Variants in ANKRD13B observed in about 807,000 individuals in gnomAD.
The protein encoded by ANKRD13B is ankyrin repeat domain 13B.
A neutral mutation model predicts 74.4 loss-of-function variants in ANKRD13B; 33 were observed. That is an observed-to-expected ratio of 0.44 (90% CI 0.34 to 0.59). The LOEUF (loss-of-function observed/expected upper bound fraction) is 0.59. Among genes scored for constraint, ANKRD13B ranks in the 20% least tolerant of loss-of-function variants. The pLI, the probability that ANKRD13B is intolerant of heterozygous loss-of-function variation, is 0.02. For missense variants in ANKRD13B, 676 were observed against 877.9 expected, an observed-to-expected ratio of 0.77 and a Z score of 2.91; for synonymous variants, 341 against 362.9, an observed-to-expected ratio of 0.94 and a Z score of 0.68.
Position 29,613,779 on chromosome 17 carries a change from G to C in ANKRD13B, c.*197G>C. 1.2e-6 allele frequency: 1 copy of C among 832,448 alleles called. No individual in the cohort carries two copies. The highest frequency in any genetic ancestry group is 1.7e-6 in the Non-Finnish European group (1 of 581,038). 51.6% of individuals were successfully genotyped at this position (832,448 alleles called of 1,614,324 possible). ...GGTACCTTCCCAGGCCAGGGCCCTG[G>C]AGGCAACTGGCACGGCCTGGTCCCC... On this transcript the variant is annotated 3_prime_UTR_variant, in exon 15 of 15. Transcript: ENST00000394859.
At chr17:29,602,394 CAAAAAA>C (rs61476683) in intron 1 of ANKRD13B, among the ~76,000 whole-genome samples, 1 of 117,488 alleles carries the variant, frequency 8.5e-6, no homozygotes, top group African/African-American at 3.1e-5. Context: ...GATTCCATCT[CAAAAAA>C]AAAAAAAAAA....
At position 29,609,533 on chromosome 17, in the gene ANKRD13B, G is replaced by A. The variant is rs146587445; in HGVS notation, c.822+112G>A. The stretch of plus-strand genomic sequence containing the variant: ...CCTGGAGGTACAGAAGCAATGCAGC[G>A]TGGTCAAGCACTTATATTTGGGTTC... On this transcript the variant is annotated intron_variant, in intron 7 of 14. Transcript: ENST00000394859. This position sits in a 1 kb window ranked among gnomAD's most constrained non-coding sequence, Gnocchi z 4.0. 179 of 1,297,688 alleles carry A rather than the reference G, an allele frequency of 1.4e-4. 1 individual carries two copies. The East Asian group carries it at 3.6e-3, about 26-fold the overall frequency. 80.4% of individuals were successfully genotyped at this position (1,297,688 alleles called of 1,614,324 possible).
chr17:29,602,335 C>A (rs912677509), intron 1 of ANKRD13B, among the ~76,000 whole-genome samples: 1 of 144,330 alleles, frequency 6.9e-6, no homozygotes, highest in East Asian at 2.0e-4. Context: ...GCGGAGCTTA[C>A]AGTGAGCTGA....
At position 29,609,240 on chromosome 17, in the gene ANKRD13B, C is replaced by T; in HGVS notation, c.720C>T (p.Thr240=). 6.2e-7 allele frequency: 1 copy of T among 1,613,168 alleles called. No homozygotes were observed. Among genetic ancestry groups the T allele is most frequent in the African/African-American group, 1.3e-5 (1 of 75,052 alleles). The stretch of plus-strand genomic sequence containing the variant: ...GCCGGCTTACCGCGCCCGTCGTCAC[C>T]ACTCAGCTTGACACCAAGAATATCT... The part of the protein sequence containing the change: ...VLSRLTAPVV[T]TQLDTKNISF... The change falls in exon 6 of 15, where the codon ACC becomes ACT. Residue 240 remains threonine (T), a synonymous_variant. Coordinates refer to ENST00000394859, the MANE Select transcript of ANKRD13B (RefSeq NM_152345.5). This position sits in a 1 kb window ranked among gnomAD's most constrained non-coding sequence, Gnocchi z 4.0.
chr17:29,612,925 C>A lies in ANKRD13B; in HGVS notation c.1614C>A (p.Gly538=). ...IWEALTNSKP[G]THPMSYEGRR... is the part of the protein sequence containing the mutation. ...AGGCGCTAACCAACAGCAAGCCAGG[C>A]ACCCACCCCATGTCCTACGAGGGTC... Residue 538 remains glycine, a synonymous_variant, in exon 14 of 15, where the codon GGC becomes GGA. Coordinates refer to ENST00000394859, the MANE Select transcript of ANKRD13B (RefSeq NM_152345.5). The surrounding 1 kb of genome is among the most constrained non-coding windows in gnomAD (Gnocchi z 6.1). 6.3e-7 allele frequency: 1 copy of A among 1,598,432 alleles called. No homozygotes were observed. The highest frequency in any genetic ancestry group is 8.5e-7 in the Non-Finnish European group (1 of 1,179,730).
Position 29,597,170 on chromosome 17 carries a change from T to C in ANKRD13B, c.114+3435T>C, listed in dbSNP as rs138672413. ...CCTTCCTCGCAAGCACTGTGTTTAG[T>C]CCATACATGAGATGTATGCTTTTCA... On this transcript the variant is annotated intron_variant, in intron 1 of 14. Coordinates refer to ENST00000394859, the MANE Select transcript of ANKRD13B (RefSeq NM_152345.5). Among the ~76,000 whole-genome samples the C allele has an allele frequency of 5.5e-3, 838 of 152,306 alleles. 6 individuals are homozygous for C. Among genetic ancestry groups the C allele is most frequent in the African/African-American group, 0.019 (792 of 41,554 alleles).
chr17:29,603,368 G>A (rs2034250320), intron 1 of ANKRD13B, among the ~76,000 whole-genome samples: 4 of 152,168 alleles, frequency 2.6e-5, no homozygotes, highest in Admixed American at 2.6e-4. Context: ...CAGCTTCAGA[G>A]GAGCTGGGAC....
rs987635545 is a variant in ANKRD13B, at chr17:29,593,150, C to T, written c.-472C>T. ...CCCCTTCCTCTCTCCCCATCATCCC[C>T]ACATCCCCGTATCCCGCGCCGGCCG... On this transcript the variant is annotated 5_prime_UTR_variant, in exon 1 of 15. Coordinates refer to ENST00000394859, the MANE Select transcript of ANKRD13B (RefSeq NM_152345.5). Among the ~76,000 whole-genome samples the T allele has an allele frequency of 2.0e-5, 3 of 151,964 alleles. No homozygotes were observed. The highest frequency in any genetic ancestry group is 7.2e-5 in the African/African-American group (3 of 41,420).
chr17:29,612,982 G>T lies in ANKRD13B; in HGVS notation c.1652+19G>T, dbSNP rs752377917. ...AGGACAGGTCAGTGCCCGCTGGGCC[G>T]GAGAGAATCCTCCGGAGAGGATCCT... On this transcript the variant is annotated intron_variant, in intron 14 of 14. Coordinates refer to ENST00000394859, the MANE Select transcript of ANKRD13B (RefSeq NM_152345.5). This position sits in a 1 kb window ranked among gnomAD's most constrained non-coding sequence, Gnocchi z 6.1. 29 of 1,592,450 alleles carry T rather than the reference G, an allele frequency of 1.8e-5. No homozygotes were observed. The highest frequency in any genetic ancestry group is 2.5e-5 in the Non-Finnish European group (29 of 1,177,170).
At position 29,612,496 on chromosome 17, in the gene ANKRD13B, C is replaced by G. The variant is rs767302083; in HGVS notation, c.1353C>G (p.Ser451Arg). 11 of 1,585,634 alleles carry G rather than the reference C, an allele frequency of 6.9e-6. No individual in the cohort carries two copies. The highest frequency in any genetic ancestry group is 1.7e-4 in the Middle Eastern group (1 of 6,052). The change falls in exon 12 of 15, where the codon AGC becomes AGG. Residue 451 changes from serine to arginine, a missense_variant. Physicochemically the swap from Ser to Arg is moderately radical, Grantham distance 110. Around this residue, in one of 4 missense-constraint regions of ANKRD13B, gnomAD observed 152 missense variants for 181.4 expected, o/e 0.84. Coordinates refer to ENST00000394859, the MANE Select transcript of ANKRD13B (RefSeq NM_152345.5). The surrounding 1 kb of genome is among the most constrained non-coding windows in gnomAD (Gnocchi z 6.1). ...EPVPSVRGSP[S>R]SETPSPGSDS... Reference sequence around the variant, plus strand: ...TGCCATCGGTGCGAGGCAGCCCCAGCAGCGAGACGCCTTCCCCAGGCAGCG... The same window carrying G: ...TGCCATCGGTGCGAGGCAGCCCCAGGAGCGAGACGCCTTCCCCAGGCAGCG...
chr17:29,593,498 A>G lies in ANKRD13B; in HGVS notation c.-124A>G, dbSNP rs1266091295. On this transcript the variant is annotated 5_prime_UTR_variant, in exon 1 of 15. The change abolishes an upstream ATG in the 5' untranslated region. Transcript: ENST00000394859. ...CGCCCCCGCCCGCCGCCGCTCGCAC[A>G]TGCCCGAGCCGCAGCCCCGCGAGCA... 8.0e-6 allele frequency: 2 copies of G among 249,458 alleles called. No individual in the cohort carries two copies. The highest frequency in any genetic ancestry group is 2.4e-5 in the African/African-American group (1 of 41,764). 15.5% of individuals were successfully genotyped at this position (249,458 alleles called of 1,614,324 possible).
Position 29,611,858 on chromosome 17 carries a change from C to T in ANKRD13B, c.970-18C>T, listed in dbSNP as rs754894713. The T allele has an allele frequency of 6.4e-7, 1 of 1,572,928 alleles. No individual in the cohort carries two copies. The highest frequency in any genetic ancestry group is 8.6e-7 in the Non-Finnish European group (1 of 1,157,790). The stretch of plus-strand genomic sequence containing the variant: ...AGGAACTGAGGGGAGCTCCTGGGCC[C>T]CTCCCCATGTGGTACAGACCCTGAT... On this transcript the variant is annotated intron_variant, in intron 9 of 14. Transcript: ENST00000394859. The surrounding 1 kb of genome is among the most constrained non-coding windows in gnomAD (Gnocchi z 4.3).
At chr17:29,600,752 G>A (rs2150880092) in intron 1 of ANKRD13B, among the ~76,000 whole-genome samples, 1 of 152,200 alleles carries the variant, frequency 6.6e-6, no homozygotes, top group South Asian at 2.1e-4. Flanking sequence ...CACCTGGCTT[G>A]CTCCTTATGT....
At position 29,606,715 on chromosome 17, in the gene ANKRD13B, A is replaced by G. The variant is rs192739545; in HGVS notation, c.115-1027A>G. On this transcript the variant is annotated intron_variant, in intron 1 of 14. Transcript: ENST00000394859. The stretch of plus-strand genomic sequence containing the variant: ...AGACCAGCCTGGGTGACATAGTGAG[A>G]CCCTGTCTCAAGTAAAAAAAAAAAA... 6.9e-3 allele frequency among the ~76,000 whole-genome samples: 874 copies of G among 127,370 alleles called. 10 individuals are homozygous for G. The highest frequency in any genetic ancestry group is 0.026 in the African/African-American group (842 of 32,696). 83.6% of individuals were successfully genotyped at this position (127,370 alleles called of 152,430 possible).
intron 1 of ANKRD13B, among the ~76,000 whole-genome samples, chr17:29,605,376 T>G (rs2034329881): frequency 1.3e-5 from 2 of 151,980 alleles, no homozygotes; most frequent in Non-Finnish European, 2.9e-5. Context: ...TCTTTACATA[T>G]ATTTTCTATA....
Position 29,612,433 on chromosome 17 carries a change from C to A in ANKRD13B, c.1290C>A (p.Arg430=). 1.2e-6 allele frequency: 2 copies of A among 1,611,166 alleles called. No homozygotes were observed. The highest frequency in any genetic ancestry group is 1.7e-6 in the Non-Finnish European group (2 of 1,178,760). The change falls in exon 12 of 15, where the codon CGC becomes CGA. Residue 430 remains arginine, a synonymous_variant. Transcript: ENST00000394859. This position sits in a 1 kb window ranked among gnomAD's most constrained non-coding sequence, Gnocchi z 6.1. ...EIPIFHILNA[R]ITFGNLNGCD... The stretch of plus-strand genomic sequence containing the variant: ...CGATCTTCCACATCCTCAACGCCCG[C>A]ATCACCTTCGGGAACCTCAACGGCT...
At chr17:29,594,255 C>A (rs2150867243) in intron 1 of ANKRD13B, among the ~76,000 whole-genome samples, 1 of 152,290 alleles carries the variant, frequency 6.6e-6, no homozygotes, top group African/African-American at 2.4e-5. Context: ...CAGAGCCCAG[C>A]CCCAGCTCAG....
intron 1 of ANKRD13B, 30 bp downstream of exon 1, chr17:29,593,765 C>T (rs1240076185): frequency 1.6e-5 from 21 of 1,331,330 alleles, no homozygotes; most frequent in Non-Finnish European, 1.9e-5. Context: ...GCCGCGGGGA[C>T]CCCGCGGCCG....
intron 1 of ANKRD13B, among the ~76,000 whole-genome samples, chr17:29,604,396 A>T (rs1436574295): frequency 1.3e-5 from 2 of 151,852 alleles, no homozygotes; most frequent in Non-Finnish European, 2.9e-5. Context: ...TTTTGTAGAC[A>T]TGGGGTTTTG....
Sources: gnomAD v4.1 joint callset for allele counts (sites outside exome capture counted in the v4.1 genomes callset) on GRCh38, gnomAD v4.1.1 for gene constraint, gnomAD v4.1.1 regional missense constraint, Gnocchi (gnomAD v3.1) non-coding constraint, MANE v1.5 for transcripts, NCBI Gene and HGNC (gene_info 2026-07-23, HGNC 2026-07-21) for gene names.